The following LMF1 variants were observed in gnomAD, a reference collection of about 807,000 sequenced individuals.
The protein encoded by LMF1 is lipase maturation factor 1.
LMF1 carries 68 observed loss-of-function variants against 60.6 expected under a neutral mutation model. The observed-to-expected ratio is 1.12, with a 90% CI of 0.92 to 1.37. The LOEUF is 1.37. Ranked by LOEUF, LMF1 falls within the 40% of genes most tolerant of loss-of-function variation. The pLI, the probability that LMF1 is intolerant of heterozygous loss-of-function variation, is 0.00. For synonymous variants in LMF1, 418 were observed against 324.7 expected (o/e 1.29, Z -3.09); for missense variants, 948 against 767.2 (o/e 1.24, Z -2.78).
At position 863,179 on chromosome 16, in the gene LMF1, G is replaced by A. The variant is rs935903036; in HGVS notation, c.1529+5765C>T. On this transcript the variant is annotated intron_variant, in intron 10 of 10. Transcript: ENST00000262301. ...GGGTCTGTAGTGATATCTCTTTTTCGTTTCGAGACAGAATCTTGTGGTGTC... is the reference window on the plus strand; with the variant it reads ...GGGTCTGTAGTGATATCTCTTTTTCATTTCGAGACAGAATCTTGTGGTGTC... Among the ~76,000 whole-genome samples, 3 of 152,002 alleles carry A rather than the reference G, an allele frequency of 2.0e-5. 1 individual carries two copies. The highest frequency in any genetic ancestry group is 4.8e-5 in the African/African-American group (2 of 41,394).
Position 862,177 on chromosome 16 carries a change from A to ATT in LMF1, c.1529+6765_1529+6766dup, listed in dbSNP as rs60103923. On this transcript the variant is annotated intron_variant, in intron 10 of 10. Transcript: ENST00000262301. ...ATATATTGGCAAATTCTATTTAGTAATTTTTTTTTTTTTTTTGAGGCAGAG... is the reference window on the plus strand; with the variant it reads ...ATATATTGGCAAATTCTATTTAGTAATTTTTTTTTTTTTTTTTTGAGGCAGAG... Among the ~76,000 whole-genome samples the ATT allele has an allele frequency of 1.5e-3, 218 of 142,850 alleles. 3 individuals are homozygous for ATT. The highest frequency in any genetic ancestry group is 5.3e-3 in the African/African-American group (208 of 39,040). 93.7% of individuals were successfully genotyped at this position (142,850 alleles called of 152,430 possible).
chr16:896,561 A>T (rs946895945), intron 4 of LMF1, among the ~76,000 whole-genome samples: 1 of 152,204 alleles, frequency 6.6e-6, no homozygotes, highest in Non-Finnish European at 1.5e-5. Flanking sequence ...AACAGGCATG[A>T]AAACAGCCGA....
At chr16:951,414 T>C (rs3852754) in intron 2 of LMF1, among the ~76,000 whole-genome samples, 72,683 of 152,090 alleles carry the variant, frequency 0.48, 19,083 homozygotes, top group African/African-American at 0.7. Context: ...TCAGATACTA[T>C]AGCAGATGCT....
chr16:857,523 G>C (rs2069233017), intron 10 of LMF1, among the ~76,000 whole-genome samples: 2 of 108,530 alleles, frequency 1.8e-5, no homozygotes, highest in African/African-American at 8.5e-5. Flanking sequence ...ACGGGTGTGA[G>C]TGGTGTCACG....
At chr16:910,636 G>A (rs1251281095) in intron 4 of LMF1, among the ~76,000 whole-genome samples, 1 of 151,554 alleles carries the variant, frequency 6.6e-6, no homozygotes, top group Non-Finnish European at 1.5e-5. Context: ...AGGGCTGGTG[G>A]GGGAAGCAGG....
chr16:898,098 G>A (rs550013565), intron 4 of LMF1, among the ~76,000 whole-genome samples: 1 of 152,208 alleles, frequency 6.6e-6, no homozygotes. Flanking sequence ...GGTCTCCATG[G>A]CTCCTGATGA....
chr16:939,825 C>G (rs1447152189), intron 2 of LMF1, among the ~76,000 whole-genome samples: 1 of 152,222 alleles, frequency 6.6e-6, no homozygotes, highest in Non-Finnish European at 1.5e-5. Context: ...ACAGGGTGCG[C>G]AGTCTGAGCC....
intron 5 of LMF1, 79 bp from the exon 6 acceptor site, chr16:879,816 C>G (rs1220028258): frequency 1.4e-6 from 2 of 1,382,368 alleles, no homozygotes; most frequent in Non-Finnish European, 2.0e-6. Flanking sequence ...GGGTCCCTGG[C>G]CCCCTGACCC....
At chr16:941,129 T>C (rs1424147974) in intron 2 of LMF1, among the ~76,000 whole-genome samples, 2 of 152,236 alleles carry the variant, frequency 1.3e-5, no homozygotes, top group African/African-American at 4.8e-5. Context: ...TTATGTAGTC[T>C]ATCCTTCTTT....
At chr16:934,925 G>C (rs2071896563) in intron 2 of LMF1, among the ~76,000 whole-genome samples, 1 of 152,178 alleles carries the variant, frequency 6.6e-6, no homozygotes, top group African/African-American at 2.4e-5. Context: ...TGCCACCTAT[G>C]GTCCCGCAAG....
chr16:971,058 T>A, upstream of LMF1: 58 of 1,321,666 alleles, frequency 4.4e-5, no homozygotes, highest in Non-Finnish European at 5.7e-5. Context: ...CGCCTCTCCC[T>A]GGCCGGCCCT....
At chr16:877,552 A>G (rs943404982) in intron 6 of LMF1, among the ~76,000 whole-genome samples, 1 of 152,198 alleles carries the variant, frequency 6.6e-6, no homozygotes, top group Non-Finnish European at 1.5e-5. Context: ...CGAAACAACA[A>G]GTCATCTCGT....
chr16:960,376 G>A (rs1165797669), intron 1 of LMF1, among the ~76,000 whole-genome samples: 3 of 99,622 alleles, frequency 3.0e-5, no homozygotes, highest in Non-Finnish European at 6.0e-5. Flanking sequence ...CAGACTCACG[G>A]TGACAGCACG....
intron 2 of LMF1, among the ~76,000 whole-genome samples, chr16:945,166 G>A (rs375204359): frequency 1.3e-4 from 17 of 131,250 alleles, no homozygotes; most frequent in African/African-American, 4.6e-4. Flanking sequence ...GACCGAGTTC[G>A]CACCACTGCA....
At chr16:892,434 C>T (rs977307243) in intron 5 of LMF1, among the ~76,000 whole-genome samples, 1 of 152,250 alleles carries the variant, frequency 6.6e-6, no homozygotes, top group African/African-American at 2.4e-5. Flanking sequence ...CACGTGAACA[C>T]GTGAGCTCCA....
intron 3 of LMF1, among the ~76,000 whole-genome samples, chr16:922,184 C>CA (rs1596999854): frequency 6.6e-6 from 1 of 152,198 alleles, no homozygotes. Context: ...CAGGCCCAGC[C>CA]ATGCTCCTTG....
At chr16:934,579 G>C (rs961597457) in intron 2 of LMF1, 13 of 367,164 alleles carry the variant, frequency 3.5e-5, no homozygotes, top group Non-Finnish European at 5.6e-5. Flanking sequence ...CACGGCAAAT[G>C]TCATACTCTG....
intron 3 of LMF1, among the ~76,000 whole-genome samples, chr16:911,604 C>CTGGGGGGCAGCAA (rs2071119542): frequency 4.0e-5 from 1 of 25,130 alleles, no homozygotes; most frequent in African/African-American, 3.1e-4. Context: ...GGGGGCAGCA[C>CTGGGGGGCAGCAA]TGGGGGGGCA....
upstream of LMF1, chr16:975,644 G>GGCCA: frequency 2.7e-6 from 1 of 375,146 alleles, no homozygotes; most frequent in Non-Finnish European, 5.2e-6. Flanking sequence ...TCTGAACCAA[G>GGCCA]GCCACAGAGG....
Sources: gnomAD v4.1 joint callset for allele counts (sites outside exome capture counted in the v4.1 genomes callset) on GRCh38, gnomAD v4.1.1 for gene constraint, MANE v1.5 for transcripts, NCBI Gene and HGNC (gene_info 2026-07-23, HGNC 2026-07-21) for gene names.